Variants in HEXD observed in about 807,000 individuals in gnomAD.
HEXD encodes the protein N-acetyl-beta-galactosaminidase.
In HEXD, 47 loss-of-function variants were observed where a neutral mutation model predicts 54.2. The observed-to-expected ratio is 0.87, with a 90% CI of 0.69 to 1.11. The LOEUF is 1.11. Ranked by LOEUF, HEXD falls within the 50% of genes least tolerant of loss-of-function variation. The probability of loss-of-function intolerance (pLI) is 0.00; values close to 1 mark genes in which losing one functional copy is unlikely to be tolerated. For missense variants in HEXD, 576 were observed against 649.2 expected, an observed-to-expected ratio of 0.89 and a Z score of 1.23; for synonymous variants, 293 against 287.6, an observed-to-expected ratio of 1.02 and a Z score of -0.19.
chr17:82,439,394 A>C (rs1278743927), intron 8 of HEXD: 1 of 976,168 alleles, frequency 1.0e-6, no homozygotes, highest in East Asian at 1.1e-4. Flanking sequence ...GCATTGCAGC[A>C]AGGAATCCCC....
Position 82,442,288 on chromosome 17 carries a change from G to T in HEXD, c.1365G>T (p.Leu455=). Reference sequence around the variant, plus strand: ...TGGAGGAAAACGTGCACCCCAGCCTGCAGCGGCTGCAAGCTCTGCTGCAGG... The same window carrying T: ...TGGAGGAAAACGTGCACCCCAGCCTTCAGCGGCTGCAAGCTCTGCTGCAGG... The part of the protein sequence containing the change: ...EWLEENVHPS[L]QRLQALLQDL... The change falls in exon 13 of 13, where the codon CTG becomes CTT. Residue 455 remains leucine, a synonymous_variant. Transcript: ENST00000327949. This position sits in a 1 kb window ranked among gnomAD's most constrained non-coding sequence, Gnocchi z 6.8. The T allele has an allele frequency of 1.9e-6, 3 of 1,608,140 alleles. No homozygotes were observed. Among genetic ancestry groups the T allele is most frequent in the Non-Finnish European group, 1.7e-6 (2 of 1,179,922 alleles).
At chr17:82,433,101 T>C (rs1427216075) in intron 4 of HEXD, among the ~76,000 whole-genome samples, 1 of 12,404 alleles carries the variant, frequency 8.1e-5, no homozygotes, top group Non-Finnish European at 1.1e-4. Flanking sequence ...AATATATATA[T>C]ATATATATAT....
intron 2 of HEXD, 68 bp downstream of exon 2, chr17:82,419,951 A>T (rs563977476): frequency 9.5e-7 from 1 of 1,057,844 alleles, no homozygotes; most frequent in Non-Finnish European, 1.4e-6. Flanking sequence ...AGTTTTGAGC[A>T]GTGTTCTGTG....
rs138539596 is a variant in HEXD, at chr17:82,421,366, C to G, written c.84+1483C>G. Among the ~76,000 whole-genome samples, 528 of 152,180 alleles carry G rather than the reference C, an allele frequency of 3.5e-3. 3 individuals are homozygous for G. The highest frequency in any genetic ancestry group is 0.012 in the African/African-American group (502 of 41,514). On this transcript the variant is annotated intron_variant, in intron 2 of 12. Transcript: ENST00000327949. Reference sequence around the variant, plus strand: ...TCCACATTGAACTGGGCAGGAACAGCGAAGGGAAAGGTCCTGGGGAAAGGC... The same window carrying G: ...TCCACATTGAACTGGGCAGGAACAGGGAAGGGAAAGGTCCTGGGGAAAGGC...
chr17:82,441,101 C>G, intron 10 of HEXD, 26 bp downstream of exon 10: 1 of 1,613,634 alleles, frequency 6.2e-7, no homozygotes, highest in Non-Finnish European at 8.5e-7. Flanking sequence ...CCCTCCCTGT[C>G]CCCTTCTTCC....
At chr17:82,432,901 A>AC (rs2053619908) in intron 4 of HEXD, among the ~76,000 whole-genome samples, 1 of 146,950 alleles carries the variant, frequency 6.8e-6, no homozygotes, top group Non-Finnish European at 1.5e-5. Flanking sequence ...GTCTCTACTA[A>AC]AACAAAATAC....
At position 82,428,619 on chromosome 17, in the gene HEXD, T is replaced by C; in HGVS notation, c.256T>C (p.Leu86=). The change falls in exon 4 of 13, where the codon TTG becomes CTG. Residue 86 remains leucine, a synonymous_variant. Transcript: ENST00000327949. The part of the protein sequence containing the change: ...AGLNELEVIP[L]VQTFGHMEFV... ...ACTCAATGAGCTGGAGGTGATTCCC[T>C]TGGTGCAGACATTTGGACACATGGA... 1 of 1,613,278 alleles carries C rather than the reference T, an allele frequency of 6.2e-7. No individual in the cohort carries two copies. Among genetic ancestry groups the C allele is most frequent in the Non-Finnish European group, 8.5e-7 (1 of 1,179,296 alleles).
At chr17:82,422,747 A>G (rs2053272517) in intron 2 of HEXD, among the ~76,000 whole-genome samples, 1 of 152,170 alleles carries the variant, frequency 6.6e-6, no homozygotes, top group Non-Finnish European at 1.5e-5. Flanking sequence ...GAACTTACAT[A>G]CAGCTGATGA....
chr17:82,433,599 C>A, intron 4 of HEXD, 59 bp from the exon 5 acceptor site: 1 of 1,454,164 alleles, frequency 6.9e-7, no homozygotes, highest in South Asian at 1.5e-5. Context: ...CCCAGGTGGG[C>A]AGAAGGAGAT....
At chr17:82,440,197 A>T in intron 9 of HEXD, 1 of 1,289,088 alleles carries the variant, frequency 7.8e-7, no homozygotes, top group Non-Finnish European at 1.0e-6. Flanking sequence ...GCTTGGCCAG[A>T]GGAGCTGTGT....
chr17:82,436,627 T>G, intron 6 of HEXD, 40 bp from the exon 7 acceptor site: 1 of 1,560,514 alleles, frequency 6.4e-7, no homozygotes, highest in Non-Finnish European at 8.7e-7. Flanking sequence ...GAGAGTGTGG[T>G]CCAGGTGTCT....
rs151239333 is a variant in HEXD at position 82,423,939 on chromosome 17, C to G, written c.85-455C>G. Among the ~76,000 whole-genome samples the G allele has an allele frequency of 1.9e-3, 287 of 152,152 alleles. 3 individuals carry two copies. Among genetic ancestry groups the G allele is most frequent in the Middle Eastern group, 0.014 (4 of 294 alleles). On this transcript the variant is annotated intron_variant, in intron 2 of 12. Transcript: ENST00000327949. ...TCTCTCACCTCCCCCAGGTGCTGAC[C>G]CCAACCCTTCAGAGCCCTGCTCCCC...
intron 9 of HEXD, chr17:82,439,916 T>G (rs1202160857): frequency 6.6e-7 from 1 of 1,524,216 alleles, no homozygotes; most frequent in Non-Finnish European, 8.8e-7. Context: ...TCTCCAGGCC[T>G]AAGCCCAAAG....
intron 5 of HEXD, among the ~76,000 whole-genome samples, chr17:82,435,386 T>C (rs985323131): frequency 1.4e-4 from 22 of 152,152 alleles, no homozygotes; most frequent in Non-Finnish European, 2.4e-4. Context: ...AGCCGAGCCG[T>C]GTTCATGGTG....
In HEXD at chr17:82,442,258, G is replaced by C; in HGVS notation, c.1335G>C (p.Glu445Asp). The C allele has an allele frequency of 6.2e-7, 1 of 1,606,710 alleles. No individual in the cohort carries two copies. The highest frequency in any genetic ancestry group is 8.5e-7 in the Non-Finnish European group (1 of 1,179,912). ...CTTTCTACCCGGATGCCGTGGAGGA[G>C]TGGCTGGAGGAAAACGTGCACCCCA... ...QLAFYPDAVE[E>D]WLEENVHPSL... The change falls in exon 13 of 13, where the codon GAG becomes GAC. Residue 445 changes from glutamate (E) to aspartate (D), a missense_variant. Glu to Asp is a conservative substitution (Grantham distance 45). Transcript: ENST00000327949. The surrounding 1 kb of genome is among the most constrained non-coding windows in gnomAD (Gnocchi z 6.8).
chr17:82,437,592 C>T (rs924962637), intron 8 of HEXD, among the ~76,000 whole-genome samples: 3 of 151,740 alleles, frequency 2.0e-5, no homozygotes, highest in African/African-American at 7.3e-5. Context: ...TGGCCCCCAG[C>T]CCCCATGCTA....
At chr17:82,433,091 A>AATAT (rs1555617646) in intron 4 of HEXD, among the ~76,000 whole-genome samples, 12 of 13,222 alleles carry the variant, frequency 9.1e-4, no homozygotes, top group South Asian at 5.0e-3. Context: ...AAAAAAAAAA[A>AATAT]ATATATATAT....
chr17:82,433,549 C>T, intron 4 of HEXD, 109 bp from the exon 5 acceptor site: 1 of 1,131,982 alleles, frequency 8.8e-7, no homozygotes, highest in Non-Finnish European at 1.2e-6. Context: ...CTCTGCCTGG[C>T]CTAATTTTTT....
Position 82,441,056 on chromosome 17 carries a change from G to GA in HEXD, c.1048dup (p.Thr350AsnfsTer5), listed in dbSNP as rs2053931588. On this transcript the variant is annotated frameshift_variant, in exon 10 of 13. Transcript: ENST00000327949. LOFTEE classifies it high-confidence loss of function. ...GAACCTTCTCGGGATTTCCAGCCTG[G>GA]AAAAAACGGACCCTGTTAGGCAAGC... is the stretch of plus-strand genomic sequence containing the variant. 1.2e-6 allele frequency: 2 copies of GA among 1,613,558 alleles called. No individual in the cohort carries two copies. Among genetic ancestry groups the GA allele is most frequent in the East Asian group, 4.5e-5 (2 of 44,884 alleles).
Sources: gnomAD v4.1 joint callset for allele counts (sites outside exome capture counted in the v4.1 genomes callset) on GRCh38, gnomAD v4.1.1 for gene constraint, Gnocchi (gnomAD v3.1) non-coding constraint, MANE v1.5 for transcripts, NCBI Gene and HGNC (gene_info 2026-07-23, HGNC 2026-07-21) for gene names.